Variants in REST observed in about 807,000 individuals in gnomAD.
REST encodes RE1 silencing transcription factor.
Under a neutral mutation model 30.4 loss-of-function variants are expected in REST, and 1 was observed. That is an observed-to-expected ratio of 0.03 (90% CI 0.01 to 0.16). REST has a LOEUF of 0.16. REST is among the 10% of genes least tolerant of loss of function. The pLI is 1.00. For synonymous variants in REST, 504 were observed against 451.1 expected (o/e 1.12, Z -1.49); for missense variants, 1,259 against 1,329.5 (o/e 0.95, Z 0.82).
chr4:56,926,445 C>T lies in REST; in HGVS notation c.983-3396C>T, dbSNP rs541979983. On this transcript the variant is annotated intron_variant, in intron 3 of 3. Transcript: ENST00000309042. The stretch of plus-strand genomic sequence containing the variant: ...AGGCTGGAGTGCAGTAGTGCGATCT[C>T]GGCTCACTGCACCCTCTGCCTCCCG... Among the ~76,000 whole-genome samples the T allele has an allele frequency of 9.9e-5, 15 of 151,382 alleles. No individual in the cohort carries two copies. The South Asian group carries it at 2.9e-3, about 29-fold the overall frequency.
intron 2 of REST, among the ~76,000 whole-genome samples, chr4:56,912,522 T>A (rs1387823240): frequency 6.7e-6 from 1 of 149,008 alleles, no homozygotes; most frequent in Admixed American, 6.7e-5. Flanking sequence ...CCTGGCTAAT[T>A]TTTTTTTTTT....
intron 2 of REST, among the ~76,000 whole-genome samples, chr4:56,912,548 T>G (rs1292229825): frequency 6.6e-6 from 1 of 151,396 alleles, no homozygotes; most frequent in African/African-American, 2.4e-5. Context: ...GGAGTCTGGC[T>G]CTGTTGTCGA....
At chr4:56,920,900 C>T (rs1400031637) in intron 3 of REST, among the ~76,000 whole-genome samples, 3 of 152,144 alleles carry the variant, frequency 2.0e-5, no homozygotes, top group African/African-American at 4.8e-5. Context: ...GAGTCTTGCT[C>T]TGTCGTCTAG....
rs1721113786 is a variant in REST at position 56,935,438 on chromosome 4, A to G, written c.*3286A>G. ...CTACATGCAATATTAACTAAATCAG[A>G]TAGCTTTTACAGTTTCACATGTGTA... On this transcript the variant is annotated 3_prime_UTR_variant, in exon 4 of 4. Transcript: ENST00000309042. 1 of 152,198 alleles carries G rather than the reference A, an allele frequency of 6.6e-6. No individual in the cohort carries two copies. The highest frequency in any genetic ancestry group is 2.4e-5 in the African/African-American group (1 of 41,454). The allele number at this position is 152,198 out of a possible 1,614,324, so 9.4% of individuals were successfully genotyped here.
chr4:56,922,371 T>C (rs1720496714), intron 3 of REST: 1 of 150,702 alleles, frequency 6.6e-6, no homozygotes, highest in Non-Finnish European at 1.5e-5. Context: ...TGGAATAAAA[T>C]GGTGTGATCG....
In REST at chr4:56,932,461, A is replaced by G. The variant is rs1721009822; in HGVS notation, c.*309A>G. 9.5e-6 allele frequency: 2 copies of G among 209,816 alleles called. No homozygotes were observed. Among genetic ancestry groups the G allele is most frequent in the South Asian group, 1.7e-4 (1 of 5,754 alleles). The allele number at this position is 209,816 out of a possible 1,614,324, so 13.0% of individuals were successfully genotyped here. A position where few individuals can be genotyped will look rare whatever the true frequency, so the allele number is the denominator to read the frequency against. ...GCTACAACTTGTCATTTTTTTCTCC[A>G]TGTCTTATCTTCCTGTTTCACTTTA... is the stretch of plus-strand genomic sequence containing the variant. On this transcript the variant is annotated 3_prime_UTR_variant, in exon 4 of 4. Transcript: ENST00000309042.
rs985107795 is a variant in REST at position 56,932,779 on chromosome 4, C to G, written c.*627C>G. ...TGCTTTAATGGCTTAAGATGTTGCACATTTTTTTTTTCTTTTGGTTTCTGT... is the reference window on the plus strand; with the variant it reads ...TGCTTTAATGGCTTAAGATGTTGCAGATTTTTTTTTTCTTTTGGTTTCTGT... On this transcript the variant is annotated 3_prime_UTR_variant, in exon 4 of 4. Coordinates refer to ENST00000309042, the MANE Select transcript of REST (RefSeq NM_005612.5). The G allele has an allele frequency of 6.6e-6, 1 of 151,036 alleles. No individual in the cohort carries two copies. Among genetic ancestry groups the G allele is most frequent in the Admixed American group, 6.6e-5 (1 of 15,214 alleles). The allele number at this position is 151,036 out of a possible 1,614,324, so 9.4% of individuals were successfully genotyped here. A position where few individuals can be genotyped will look rare whatever the true frequency, so the allele number is the denominator to read the frequency against.
Position 56,930,285 on chromosome 4 carries a change from A to T in REST, c.1427A>T (p.Glu476Val), listed in dbSNP as rs1189076248. Residue 476 changes from glutamate (E) to valine (V), a missense_variant, in exon 4 of 4, where the codon GAG becomes GTG. Coordinates refer to ENST00000309042, the MANE Select transcript of REST (RefSeq NM_005612.5). ...GCAGAGAAAAGAGATGTCTCAAAAG[A>T]GAAAAAGCCTTCTAATAATGTGTCA... ...VKAEKRDVSK[E>V]KKPSNNVSVI... 20 of 1,613,644 alleles carry T rather than the reference A, an allele frequency of 1.2e-5. No individual in the cohort carries two copies. Among genetic ancestry groups the T allele is most frequent in the Non-Finnish European group, 1.7e-5 (20 of 1,180,004 alleles).
intron 2 of REST, among the ~76,000 whole-genome samples, chr4:56,913,072 A>G (rs1021283984): frequency 6.6e-6 from 1 of 152,064 alleles, no homozygotes; most frequent in Non-Finnish European, 1.5e-5. Context: ...TGTTGGGATT[A>G]TAGGCGTGAG....
chr4:56,926,757 A>G (rs564971592), intron 3 of REST, among the ~76,000 whole-genome samples: 5 of 152,074 alleles, frequency 3.3e-5, no homozygotes, highest in African/African-American at 9.6e-5. Flanking sequence ...AGGACTTTAC[A>G]TAGATTAGAT....
chr4:56,929,013 C>G (rs912513378), intron 3 of REST, among the ~76,000 whole-genome samples: 2 of 152,028 alleles, frequency 1.3e-5, no homozygotes, highest in African/African-American at 4.8e-5. Context: ...GTCCTCCCGC[C>G]TTTGCCTCCC....
At chr4:56,929,569 A>G (rs1055961304) in intron 3 of REST, among the ~76,000 whole-genome samples, 2 of 152,238 alleles carry the variant, frequency 1.3e-5, no homozygotes, top group Admixed American at 1.3e-4. Flanking sequence ...CAATATGTGT[A>G]TGTCTTAAAG....
chr4:56,932,379 T>A lies in REST; in HGVS notation c.*227T>A, dbSNP rs922963350. 6 of 445,058 alleles carry A rather than the reference T, an allele frequency of 1.3e-5. No homozygotes were observed. The highest frequency in any genetic ancestry group is 4.0e-5 in the African/African-American group (2 of 50,010). The allele number at this position is 445,058 out of a possible 1,614,324, so 27.6% of individuals were successfully genotyped here. On this transcript the variant is annotated 3_prime_UTR_variant, in exon 4 of 4. Coordinates refer to ENST00000309042, the MANE Select transcript of REST (RefSeq NM_005612.5). ...ACCAGCAGGTATCTGTTAGCTTATG[T>A]GTTTAATTGAAATTAGAAGGCTAAG...
rs532829640 is a variant in REST, at chr4:56,930,964, G to T, written c.2106G>T (p.Gly702=). The change falls in exon 4 of 4, where the codon GGG becomes GGT. Residue 702 remains glycine (G), a synonymous_variant. Transcript: ENST00000309042. ...ETAQTEVAQM[G]PAPMEPAQME... is the part of the protein sequence containing the mutation. ...CTCAGACGGAGGTTGCCCAAATGGGGCCTGCTCCCATGGAACCTGCTCAGA... is the reference window on the plus strand; with the variant it reads ...CTCAGACGGAGGTTGCCCAAATGGGTCCTGCTCCCATGGAACCTGCTCAGA... 2 of 1,614,002 alleles carry T rather than the reference G, an allele frequency of 1.2e-6. No individual in the cohort carries two copies. The highest frequency in any genetic ancestry group is 1.7e-6 in the Non-Finnish European group (2 of 1,179,842).
intron 3 of REST, chr4:56,927,715 G>A (rs1332610907): frequency 2.2e-6 from 2 of 919,296 alleles, no homozygotes; most frequent in Non-Finnish European, 2.9e-6. Flanking sequence ...TTTGGGGGTG[G>A]GGGTTCTGGT....
intron 3 of REST, among the ~76,000 whole-genome samples, chr4:56,928,864 A>G (rs1010162106): frequency 6.6e-5 from 10 of 150,584 alleles, no homozygotes; most frequent in African/African-American, 2.4e-4. Context: ...GCTGGGATTT[A>G]CAGGTGTGAG....
At chr4:56,921,265 CTTAAG>C (rs1720439035) in intron 3 of REST, among the ~76,000 whole-genome samples, 1 of 152,166 alleles carries the variant, frequency 6.6e-6, no homozygotes, top group Non-Finnish European at 1.5e-5. Context: ...AACCATCTCC[CTTAAG>C]TTAATAATTA....
At position 56,908,148 on chromosome 4, in the gene REST, A is replaced by C; in HGVS notation, c.-75A>C. 1.3e-5 allele frequency: 3 copies of C among 235,770 alleles called. No individual in the cohort carries two copies. Among genetic ancestry groups the C allele is most frequent in the East Asian group, 7.0e-5 (1 of 14,346 alleles). 14.6% of individuals were successfully genotyped at this position (235,770 alleles called of 1,614,324 possible). ...CCTCTCCCCCGAAACTCCAGCAACA[A>C]AGAAAAGTAGTCGGAGAAGGAGCGG... is the stretch of plus-strand genomic sequence containing the variant. On this transcript the variant is annotated 5_prime_UTR_variant, in exon 1 of 4. Transcript: ENST00000309042.
chr4:56,929,759 C>A (rs937224802), intron 3 of REST, 82 bp from the exon 4 acceptor site: 27 of 1,250,064 alleles, frequency 2.2e-5, no homozygotes, highest in Non-Finnish European at 2.8e-5. Context: ...TTTGTTGTTA[C>A]TTTACATATA....
Sources: gnomAD v4.1 joint callset for allele counts (sites outside exome capture counted in the v4.1 genomes callset) on GRCh38, gnomAD v4.1.1 for gene constraint, MANE v1.5 for transcripts, NCBI Gene and HGNC (gene_info 2026-07-23, HGNC 2026-07-21) for gene names.